MBOAT1: variants seen among roughly 807,000 people sequenced by gnomAD.
MBOAT1 encodes membrane bound glycerophospholipid O-acyltransferase 1, also known as membrane-bound glycerophospholipid O-acyltransferase 1.
A neutral mutation model predicts 64.4 loss-of-function variants in MBOAT1; 67 were observed. The ratio of observed to expected loss-of-function variants is 1.04; its 90% CI spans 0.85 to 1.27. The LOEUF is 1.27. Ranked by LOEUF, MBOAT1 falls within the 50% of genes most tolerant of loss-of-function variation. The pLI is 0.00. For missense variants in MBOAT1, 563 were observed against 604.6 expected (o/e 0.93, Z 0.72); for synonymous variants, 229 against 218.9 (o/e 1.05, Z -0.41).
rs769392228 is a variant in MBOAT1 at position 20,126,660 on chromosome 6, T to C, written c.571A>G (p.Asn191Asp). The C allele has an allele frequency of 6.2e-7, 1 of 1,612,820 alleles. No homozygotes were observed. The highest frequency in any genetic ancestry group is 1.3e-5 in the African/African-American group (1 of 74,862). ...GGACCAGCTATGACACTCATGAAAT[T>C]GAGAAGGTAACTTAAGTATTCCAAA... ...SFLEYLSYLLNFMSVIAGPCN... is the reference protein window; with the variant it reads ...SFLEYLSYLLDFMSVIAGPCN... Residue 191 changes from asparagine (N) to aspartate (D), a missense_variant, in exon 7 of 13, where the codon AAT becomes GAT. By Grantham distance (23) the Asn-to-Asp change is conservative. Coordinates refer to ENST00000324607, the MANE Select transcript of MBOAT1 (RefSeq NM_001080480.3).
In MBOAT1 at chr6:20,100,101, A is replaced by G. The variant is rs576836193; in HGVS notation, c.*2185T>C. ...CAGCTTGCCCAGGACTGAGGGCTTG[A>G]GAGAGTCCTTGGCAAACCAGGGCAG... is the stretch of plus-strand genomic sequence containing the variant. On this transcript the variant is annotated 3_prime_UTR_variant, in exon 13 of 13. Transcript: ENST00000324607. Among the ~76,000 whole-genome samples the G allele has an allele frequency of 9.8e-5, 15 of 152,332 alleles. No homozygotes were observed. Among genetic ancestry groups the G allele is most frequent in the African/African-American group, 3.6e-4 (15 of 41,568 alleles).
Position 20,109,672 on chromosome 6 carries a change from G to A in MBOAT1, c.1287C>T (p.Val429=), listed in dbSNP as rs371249586. 6.2e-5 allele frequency: 100 copies of A among 1,614,070 alleles called. No individual in the cohort carries two copies. Among genetic ancestry groups the A allele is most frequent in the Non-Finnish European group, 8.1e-5 (95 of 1,180,020 alleles). Residue 429 remains valine (V), a synonymous_variant, in exon 12 of 13, where the codon GTC becomes GTT. Transcript: ENST00000324607. ...CCGTGTAAGAGACAGCCAGCTGAGT[G>A]ACGGCCCAGGTGCCTGCATCATACA... ...KAVYDAGTWA[V]TQLAVSYTVA...
intron 1 of MBOAT1, among the ~76,000 whole-genome samples, chr6:20,209,635 A>C (rs1020933270): frequency 1.7e-4 from 26 of 152,368 alleles, no homozygotes; most frequent in African/African-American, 6.3e-4. Context: ...GAGGCATACA[A>C]AAAACTATTT....
At chr6:20,105,143 A>G (rs1759913306) in intron 12 of MBOAT1, among the ~76,000 whole-genome samples, 1 of 152,222 alleles carries the variant, frequency 6.6e-6, no homozygotes, top group African/African-American at 2.4e-5. Context: ...CCAGCTTTCA[A>G]AATATGCACA....
chr6:20,117,081 C>T (rs1760346203), intron 9 of MBOAT1, among the ~76,000 whole-genome samples: 1 of 152,202 alleles, frequency 6.6e-6, no homozygotes. Context: ...GGACCTTGTC[C>T]ACTTACAATG....
In MBOAT1 at chr6:20,118,497, C is replaced by T; in HGVS notation, c.951G>A (p.Val317=). ...NNAAGFGFSG[V]DKNGNFCWDL... ...CCCAACAGAAATTCCCATTCTTATC[C>T]ACTCCGCTGAACCCAAAGCCAGCTG... The change falls in exon 9 of 13, where the codon GTG becomes GTA. Residue 317 remains valine, a synonymous_variant. Coordinates refer to ENST00000324607, the MANE Select transcript of MBOAT1 (RefSeq NM_001080480.3). 1 of 1,614,016 alleles carries T rather than the reference C, an allele frequency of 6.2e-7. No individual in the cohort carries two copies.
At chr6:20,185,087 A>C (rs1307146813) in intron 1 of MBOAT1, among the ~76,000 whole-genome samples, 1 of 151,484 alleles carries the variant, frequency 6.6e-6, no homozygotes, top group African/African-American at 2.4e-5. Flanking sequence ...CCATCTCTAC[A>C]AAAAAAAATT....
intron 1 of MBOAT1, among the ~76,000 whole-genome samples, chr6:20,186,502 T>A (rs1468370385): frequency 6.6e-6 from 1 of 152,190 alleles, no homozygotes; most frequent in African/African-American, 2.4e-5. Context: ...TTATGTAGAA[T>A]GGAGAAGAAA....
At chr6:20,125,520 T>C (rs1760624282) in intron 7 of MBOAT1, among the ~76,000 whole-genome samples, 1 of 152,228 alleles carries the variant, frequency 6.6e-6, no homozygotes, top group Non-Finnish European at 1.5e-5. Flanking sequence ...AAAATGCAAG[T>C]GTTTCCTTGG....
intron 1 of MBOAT1, among the ~76,000 whole-genome samples, chr6:20,176,903 T>A (rs1165537313): frequency 1.3e-5 from 2 of 152,084 alleles, no homozygotes; most frequent in Non-Finnish European, 2.9e-5. Flanking sequence ...GGATTACAGG[T>A]GTGAGCCACT....
intron 11 of MBOAT1, among the ~76,000 whole-genome samples, chr6:20,112,426 C>T (rs1188166896): frequency 3.3e-5 from 5 of 152,112 alleles, no homozygotes; most frequent in Admixed American, 6.5e-5. Context: ...TTCCCGTGGC[C>T]GCTATTTCAT....
intron 1 of MBOAT1, among the ~76,000 whole-genome samples, chr6:20,162,968 C>T (rs1297583754): frequency 2.0e-5 from 3 of 152,148 alleles, no homozygotes; most frequent in Admixed American, 2.0e-4. Context: ...AGTCCTTATA[C>T]ACTTAGAGAT....
At chr6:20,153,493 G>A (rs1436196271) in intron 1 of MBOAT1, among the ~76,000 whole-genome samples, 1 of 152,176 alleles carries the variant, frequency 6.6e-6, no homozygotes, top group African/African-American at 2.4e-5. Flanking sequence ...AAATCAAATT[G>A]TTCTCCAAAG....
chr6:20,152,127 C>T (rs924089389), intron 2 of MBOAT1, among the ~76,000 whole-genome samples: 2 of 151,848 alleles, frequency 1.3e-5, no homozygotes, highest in Admixed American at 1.3e-4. Flanking sequence ...TTGCAACCAG[C>T]CTGGGCAACA....
chr6:20,138,679 G>C (rs1761074314), intron 4 of MBOAT1, among the ~76,000 whole-genome samples: 1 of 152,180 alleles, frequency 6.6e-6, no homozygotes, highest in African/African-American at 2.4e-5. Context: ...AGACGGTAGA[G>C]GCATCCTTAT....
At chr6:20,192,939 A>G (rs981496151) in intron 1 of MBOAT1, among the ~76,000 whole-genome samples, 7 of 150,642 alleles carry the variant, frequency 4.6e-5, no homozygotes, top group African/African-American at 1.7e-4. Context: ...AACATCAATT[A>G]CACAACCTGG....
chr6:20,201,400 A>T (rs1763120463), intron 1 of MBOAT1, among the ~76,000 whole-genome samples: 1 of 152,210 alleles, frequency 6.6e-6, no homozygotes, highest in Admixed American at 6.5e-5. Flanking sequence ...TCAGAAAATA[A>T]GACAAAAAGA....
chr6:20,162,603 A>G (rs1312781380), intron 1 of MBOAT1, among the ~76,000 whole-genome samples: 1 of 152,244 alleles, frequency 6.6e-6, no homozygotes, highest in Admixed American at 6.5e-5. Flanking sequence ...GTTATTCTGC[A>G]TGCTTCACAT....
intron 4 of MBOAT1, among the ~76,000 whole-genome samples, chr6:20,141,359 C>CTTTTTTTTTT (rs755615744): frequency 4.5e-4 from 45 of 99,820 alleles, no homozygotes; most frequent in African/African-American, 1.1e-3. Flanking sequence ...TTTTCTTTTT[C>CTTTTTTTTTT]TTTTTTTTTT....
Sources: gnomAD v4.1 joint callset for allele counts (sites outside exome capture counted in the v4.1 genomes callset) on GRCh38, gnomAD v4.1.1 for gene constraint, MANE v1.5 for transcripts, NCBI Gene and HGNC (gene_info 2026-07-23, HGNC 2026-07-21) for gene names.